Variants in PDE4D observed in about 807,000 individuals in gnomAD.
The protein encoded by PDE4D is 3',5'-cyclic-AMP phosphodiesterase 4D.
A neutral mutation model predicts 87.4 loss-of-function variants in PDE4D; 24 were observed. The ratio of observed to expected loss-of-function variants is 0.27; its 90% CI spans 0.20 to 0.39. The LOEUF is 0.39. Ranked by LOEUF, PDE4D falls within the 10% of genes least tolerant of loss-of-function variation. The probability of loss-of-function intolerance (pLI) is 1.00; values close to 1 mark genes in which losing one functional copy is unlikely to be tolerated. For synonymous variants in PDE4D, 384 were observed against 383.2 expected (o/e 1.00, Z -0.02); for missense variants, 714 against 1,041.0 (o/e 0.69, Z 4.32).
chr5:59,580,544 G>A (rs889453626), intron 1 of PDE4D, among the ~76,000 whole-genome samples: 10 of 151,808 alleles, frequency 6.6e-5, no homozygotes, highest in African/African-American at 1.9e-4. Flanking sequence ...ATGGCTTATC[G>A]TAGCCTCAAC....
intron 1 of PDE4D, among the ~76,000 whole-genome samples, chr5:59,566,892 T>C (rs2153693991): frequency 6.6e-6 from 1 of 152,194 alleles, no homozygotes; most frequent in South Asian, 2.1e-4. Flanking sequence ...AAAAAACATG[T>C]TTGCTTGTGG....
At chr5:59,979,872 TA>T (rs1277719069) in intron 3 of PDE4D, among the ~76,000 whole-genome samples, 1 of 152,150 alleles carries the variant, frequency 6.6e-6, no homozygotes, top group Non-Finnish European at 1.5e-5. Context: ...AGAAGTGATA[TA>T]TTTTTTCTAT....
At chr5:59,684,560 TGG>T (rs1448523097) in intron 1 of PDE4D, among the ~76,000 whole-genome samples, 1 of 152,102 alleles carries the variant, frequency 6.6e-6, no homozygotes, top group Non-Finnish European at 1.5e-5. Context: ...GAGTAAGATG[TGG>T]AGATAGAAGG....
intron 5 of PDE4D, among the ~76,000 whole-genome samples, chr5:59,069,474 A>T (rs1339036631): frequency 6.6e-6 from 1 of 151,224 alleles, no homozygotes; most frequent in African/African-American, 2.4e-5. Flanking sequence ...ATCCCTTATT[A>T]CTCATCCTAT....
chr5:60,469,986 G>C (rs1448392625), intron 1 of PDE4D, among the ~76,000 whole-genome samples: 2 of 152,178 alleles, frequency 1.3e-5, no homozygotes, highest in Non-Finnish European at 2.9e-5. Context: ...AGCTTAGTGA[G>C]GAGGGCAGGT....
intron 1 of PDE4D, among the ~76,000 whole-genome samples, chr5:59,535,550 A>G (rs774194733): frequency 6.6e-6 from 1 of 152,206 alleles, no homozygotes; most frequent in Non-Finnish European, 1.5e-5. Context: ...CATCAAGCTG[A>G]TACCTATTTG....
chr5:60,182,765 T>A (rs1037728985), intron 2 of PDE4D, among the ~76,000 whole-genome samples: 4 of 150,650 alleles, frequency 2.7e-5, no homozygotes, highest in Non-Finnish European at 1.5e-5. Flanking sequence ...GTGTAGTCCC[T>A]GCTACTCGGG....
In PDE4D at chr5:59,326,696, T is replaced by A. The variant is rs556248698; in HGVS notation, c.456-110728A>T. On this transcript the variant is annotated intron_variant, in intron 1 of 14. Coordinates refer to ENST00000340635, the MANE Select transcript of PDE4D (RefSeq NM_001104631.2). ...ACATTATGCCCTGCACTACAGACAT[T>A]GACATATGTGTAATCTCTAAAACAC... Among the ~76,000 whole-genome samples the A allele has an allele frequency of 6.6e-5, 10 of 152,224 alleles. No individual in the cohort carries two copies. The East Asian group carries it at 1.9e-3, about 29-fold the overall frequency.
chr5:60,178,312 G>A (rs1562187936), intron 2 of PDE4D, among the ~76,000 whole-genome samples: 1 of 151,982 alleles, frequency 6.6e-6, no homozygotes, highest in Admixed American at 6.6e-5. Flanking sequence ...ACATGTAAAT[G>A]CTTTCCAAAT....
At chr5:58,997,706 T>C (rs939788935) in intron 6 of PDE4D, among the ~76,000 whole-genome samples, 1 of 152,102 alleles carries the variant, frequency 6.6e-6, no homozygotes, top group African/African-American at 2.4e-5. Context: ...TGAATGCTTT[T>C]GAATCCTTTG....
At position 59,100,955 on chromosome 5, in the gene PDE4D, C is replaced by T. The variant is rs554921897; in HGVS notation, c.809-61984G>A. 6.6e-4 allele frequency among the ~76,000 whole-genome samples: 101 copies of T among 152,208 alleles called. No homozygotes were observed. In the South Asian group the frequency reaches 0.014, roughly 21 times the overall value. On this transcript the variant is annotated intron_variant, in intron 5 of 14. Transcript: ENST00000340635. The stretch of plus-strand genomic sequence containing the variant: ...TTCTAAACTTCAGGTGTAGAGAGGA[C>T]GGCAATTGGTATGAAGGCTTCTGCC...
chr5:59,615,777 T>C (rs1829583337), intron 1 of PDE4D, among the ~76,000 whole-genome samples: 1 of 152,200 alleles, frequency 6.6e-6, no homozygotes, highest in Admixed American at 6.5e-5. Context: ...TTATACTGCC[T>C]ACCTTACACT....
intron 1 of PDE4D, among the ~76,000 whole-genome samples, chr5:59,625,303 A>G (rs1389955539): frequency 1.3e-5 from 2 of 152,196 alleles, no homozygotes; most frequent in South Asian, 2.1e-4. Context: ...GCCAACAGCT[A>G]GCAAAAGAAG....
intron 1 of PDE4D, among the ~76,000 whole-genome samples, chr5:59,459,835 T>C (rs1293769965): frequency 6.6e-6 from 1 of 152,212 alleles, no homozygotes; most frequent in Non-Finnish European, 1.5e-5. Flanking sequence ...CATGCCAGAA[T>C]ACTAAACATT....
At chr5:59,867,167 A>C (rs1399980946) in intron 1 of PDE4D, among the ~76,000 whole-genome samples, 2 of 152,118 alleles carry the variant, frequency 1.3e-5, no homozygotes, top group African/African-American at 4.8e-5. Flanking sequence ...TAGAGAGAGA[A>C]GGGTATGAAG....
chr5:58,989,416 G>A lies in PDE4D; in HGVS notation c.1452+339C>T, dbSNP rs554728206. Reference sequence around the variant, plus strand: ...ATATATTGCTTATGTTTTATAAAACGTTCTTTGGCCTATAAATAAAAGCCG... The same window carrying A: ...ATATATTGCTTATGTTTTATAAAACATTCTTTGGCCTATAAATAAAAGCCG... On this transcript the variant is annotated intron_variant, in intron 10 of 14. Transcript: ENST00000340635. Among the ~76,000 whole-genome samples the A allele has an allele frequency of 2.1e-4, 32 of 151,180 alleles. No homozygotes were observed. The South Asian group carries it at 4.4e-3, about 21-fold the overall frequency.
intron 1 of PDE4D, among the ~76,000 whole-genome samples, chr5:60,473,210 G>C (rs702559): frequency 6.9e-6 from 1 of 144,264 alleles, no homozygotes; most frequent in Non-Finnish European, 1.5e-5. Flanking sequence ...AGAAAGAAAA[G>C]AAAGAGAAAG....
chr5:59,696,271 G>A (rs1259322949), intron 1 of PDE4D, among the ~76,000 whole-genome samples: 1 of 152,142 alleles, frequency 6.6e-6, no homozygotes, highest in African/African-American at 2.4e-5. Flanking sequence ...TTTTTCCAGA[G>A]TCTTAGTGTA....
chr5:60,237,730 A>T (rs1194390652), intron 1 of PDE4D, among the ~76,000 whole-genome samples: 1 of 152,018 alleles, frequency 6.6e-6, no homozygotes, highest in Non-Finnish European at 1.5e-5. Flanking sequence ...CTACACATGT[A>T]ACAAAATGAC....
Sources: gnomAD v4.1 joint callset for allele counts (sites outside exome capture counted in the v4.1 genomes callset) on GRCh38, gnomAD v4.1.1 for gene constraint, MANE v1.5 for transcripts, NCBI Gene and HGNC (gene_info 2026-07-23, HGNC 2026-07-21) for gene names.